The following NFXL1 variants were observed in gnomAD, a reference collection of about 807,000 sequenced individuals.
The protein encoded by NFXL1 is nuclear transcription factor, X-box binding like 1.
Under a neutral mutation model 123.3 loss-of-function variants are expected in NFXL1, and 66 were observed. The ratio of observed to expected loss-of-function variants is 0.54; its 90% confidence interval spans 0.44 to 0.66. The LOEUF is 0.66. Among genes scored for constraint, NFXL1 ranks in the 30% least tolerant of loss-of-function variants. The pLI is 0.00. For missense variants in NFXL1, 944 were observed against 1,125.6 expected, an observed-to-expected ratio of 0.84 and a Z score of 2.31; for synonymous variants, 346 against 360.8, an observed-to-expected ratio of 0.96 and a Z score of 0.46.
In NFXL1 at chr4:47,890,824, T is replaced by G. The variant is rs1190290876; in HGVS notation, c.1453-121A>C. 4 of 581,882 alleles carry G rather than the reference T, an allele frequency of 6.9e-6. No homozygotes were observed. The Admixed American group carries it at 1.2e-4, about 18-fold the overall frequency. The allele number at this position is 581,882 out of a possible 1,614,324, so 36.0% of individuals were successfully genotyped here. ...ATACACTTTTCACTAAAAGAAGTAT[T>G]CAAGAATATCAACATTCTTCTGGTA... On this transcript the variant is annotated intron_variant, in intron 11 of 22. Coordinates refer to ENST00000507489, the MANE Select transcript of NFXL1 (RefSeq NM_001278624.2).
At chr4:47,857,949 C>T (rs1324036872) in intron 19 of NFXL1, among the ~76,000 whole-genome samples, 1 of 152,180 alleles carries the variant, frequency 6.6e-6, no homozygotes, top group Admixed American at 6.5e-5. Flanking sequence ...CTGTGAATTG[C>T]TCCCCAATGT....
chr4:47,876,899 G>T (rs1735790632), intron 17 of NFXL1: 10 of 348,526 alleles, frequency 2.9e-5, no homozygotes, highest in South Asian at 2.1e-4. Context: ...TGATTCCTAT[G>T]TCTTTGATCT....
intron 19 of NFXL1, among the ~76,000 whole-genome samples, chr4:47,857,121 G>A (rs545498622): frequency 6.6e-6 from 1 of 152,010 alleles, no homozygotes; most frequent in African/African-American, 2.4e-5. Context: ...ATATTTGTAT[G>A]TATTTATAGG....
In NFXL1 at chr4:47,851,899, T is replaced by C. The variant is rs576644989; in HGVS notation, c.2465A>G (p.Glu822Gly). The C allele has an allele frequency of 6.2e-7, 1 of 1,611,938 alleles. No homozygotes were observed. Among genetic ancestry groups the C allele is most frequent in the South Asian group, 1.1e-5 (1 of 90,986 alleles). Residue 822 changes from glutamate to glycine, a missense_variant, in exon 21 of 23, where the codon GAA becomes GGA. Coordinates refer to ENST00000507489, the MANE Select transcript of NFXL1 (RefSeq NM_001278624.2). The part of the protein sequence containing the change: ...NKVRENQVSI[E>G]CDTTCKEMKR... Reference sequence around the variant, plus strand: ...CATTTCCTTGCACGTTGTGTCACATTCTATTGAAACCTGATTTTCACGTAC... The same window carrying C: ...CATTTCCTTGCACGTTGTGTCACATCCTATTGAAACCTGATTTTCACGTAC...
At chr4:47,885,387 C>A in intron 14 of NFXL1, 111 bp downstream of exon 14, 1 of 871,154 alleles carries the variant, frequency 1.1e-6, no homozygotes. Flanking sequence ...CTGCTCCAAG[C>A]ACAGTGCTTC....
At chr4:47,866,429 C>T (rs549536404) in intron 18 of NFXL1, among the ~76,000 whole-genome samples, 8 of 152,270 alleles carry the variant, frequency 5.3e-5, no homozygotes, top group African/African-American at 1.4e-4. Flanking sequence ...ATACTAAGCT[C>T]TGTCCAAAAA....
intron 18 of NFXL1, among the ~76,000 whole-genome samples, chr4:47,864,889 T>G (rs1194984220): frequency 1.3e-5 from 2 of 152,210 alleles, no homozygotes; most frequent in African/African-American, 2.4e-5. Flanking sequence ...TCTAGCAAAT[T>G]AATCAAACCC....
chr4:47,905,481 T>C, intron 3 of NFXL1, 135 bp from the exon 4 acceptor site: 1 of 455,858 alleles, frequency 2.2e-6, no homozygotes, highest in South Asian at 4.0e-5. Context: ...ACAAGAAGTT[T>C]TTTTTAAAAA....
At chr4:47,860,978 G>A (rs1019475151) in intron 19 of NFXL1, among the ~76,000 whole-genome samples, 20 of 151,452 alleles carry the variant, frequency 1.3e-4, no homozygotes, top group Admixed American at 1.2e-3. Flanking sequence ...TCAGCCTCCC[G>A]AGTAGCTGGG....
In NFXL1 at chr4:47,896,619, T is replaced by C; in HGVS notation, c.1233A>G (p.Val411=). ...SKFSLPCTED[V]PTCGDSCDKV... is the part of the protein sequence containing the mutation. ...TGTCACAACTGTCTCCACAAGTTGG[T>C]ACATCTTCTGTACAAGGCAAAGAAA... The change falls in exon 10 of 23, where the codon GTA becomes GTG. Residue 411 remains valine (V), a synonymous_variant. Coordinates refer to ENST00000507489, the MANE Select transcript of NFXL1 (RefSeq NM_001278624.2). 1 of 1,610,004 alleles carries C rather than the reference T, an allele frequency of 6.2e-7. No individual in the cohort carries two copies. Among genetic ancestry groups the C allele is most frequent in the Non-Finnish European group, 8.5e-7 (1 of 1,176,374 alleles).
At chr4:47,885,013 G>C (rs1157959339) in intron 14 of NFXL1, among the ~76,000 whole-genome samples, 2 of 151,800 alleles carry the variant, frequency 1.3e-5, no homozygotes, top group Non-Finnish European at 2.9e-5. Flanking sequence ...TATAATCCCA[G>C]CTACTCAGGA....
chr4:47,895,694 T>G (rs1737043914), intron 10 of NFXL1, among the ~76,000 whole-genome samples: 1 of 152,310 alleles, frequency 6.6e-6, no homozygotes, highest in Non-Finnish European at 1.5e-5. Flanking sequence ...TGCAGACCTC[T>G]AAATCTTCCT....
At chr4:47,859,841 C>CAAAAAAAAAAAAA (rs938207203) in intron 19 of NFXL1, among the ~76,000 whole-genome samples, 3 of 14,312 alleles carry the variant, frequency 2.1e-4, no homozygotes, top group African/African-American at 2.5e-4. Context: ...GACTCCATCT[C>CAAAAAAAAAAAAA]AAAAAAAAAA....
At position 47,899,049 on chromosome 4, in the gene NFXL1, T is replaced by C. The variant is rs1737245996; in HGVS notation, c.898A>G (p.Arg300Gly). Residue 300 changes from arginine (R) to glycine (G), a missense_variant, in exon 7 of 23, where the codon AGG becomes GGG. This residue lies in a region of NFXL1 where 296 missense variants were observed against 395.1 expected (regional missense o/e 0.75). Transcript: ENST00000507489. ...YCKKAKPIPR[R>G]CSAKEWSCQL... Reference sequence around the variant, plus strand: ...CAAGACCATTCCTTGGCACTGCACCTACGAGGGATAGGTTTTGCTTTCTTA... The same window carrying C: ...CAAGACCATTCCTTGGCACTGCACCCACGAGGGATAGGTTTTGCTTTCTTA... The C allele has an allele frequency of 6.2e-7, 1 of 1,611,644 alleles. No homozygotes were observed. The highest frequency in any genetic ancestry group is 1.3e-5 in the African/African-American group (1 of 74,160).
chr4:47,884,487 G>A lies in NFXL1; in HGVS notation c.1825-50C>T, dbSNP rs1736310044. 3 of 1,145,362 alleles carry A rather than the reference G, an allele frequency of 2.6e-6. No individual in the cohort carries two copies. In the South Asian group the frequency reaches 4.0e-5, roughly 15 times the overall value. The allele number at this position is 1,145,362 out of a possible 1,614,324, so 70.9% of individuals were successfully genotyped here. A position where few individuals can be genotyped will look rare whatever the true frequency, so the allele number is the denominator to read the frequency against. On this transcript the variant is annotated intron_variant, in intron 14 of 22. Transcript: ENST00000507489. ...TTAAGTCAGAGGGATTAAATCATATGGCCATTTTAAGAATCTAAGAAAATA... is the reference window on the plus strand; with the variant it reads ...TTAAGTCAGAGGGATTAAATCATATAGCCATTTTAAGAATCTAAGAAAATA...
chr4:47,851,737 G>C, intron 21 of NFXL1, 119 bp downstream of exon 21: 1 of 633,830 alleles, frequency 1.6e-6, no homozygotes, highest in Non-Finnish European at 2.7e-6. Context: ...TATAAAACTA[G>C]GCTTTTATTA....
At chr4:47,908,291 G>A (rs573929415) in intron 3 of NFXL1, among the ~76,000 whole-genome samples, 22 of 152,226 alleles carry the variant, frequency 1.4e-4, no homozygotes, top group African/African-American at 4.8e-4. Context: ...AGGCATGGTG[G>A]TGTGTGCTTG....
chr4:47,859,841 CAAAAAAAAAAAAAAAAA>C (rs938207203), intron 19 of NFXL1, among the ~76,000 whole-genome samples: 1 of 14,314 alleles, frequency 7.0e-5, no homozygotes, highest in African/African-American at 2.5e-4. Context: ...GACTCCATCT[CAAAAAAAAAAAAAAAAA>C]AAAAAAAAAA....
intron 18 of NFXL1, among the ~76,000 whole-genome samples, chr4:47,871,744 T>G (rs73244435): frequency 0.017 from 2,653 of 152,258 alleles, 41 homozygotes; most frequent in Non-Finnish European, 0.027. Flanking sequence ...TTTTGAGATT[T>G]CAACAAAATA....
Sources: gnomAD v4.1 joint callset for allele counts (sites outside exome capture counted in the v4.1 genomes callset) on GRCh38, gnomAD v4.1.1 for gene constraint, gnomAD v4.1.1 regional missense constraint, MANE v1.5 for transcripts, NCBI Gene and HGNC (gene_info 2026-07-23, HGNC 2026-07-21) for gene names.